Variants in PIGN observed in about 807,000 individuals in gnomAD.
The protein encoded by PIGN is GPI ethanolamine phosphate transferase 1.
PIGN carries 117 observed loss-of-function variants against 125.4 expected under a neutral mutation model. The ratio of observed to expected loss-of-function variants is 0.93; its 90% CI spans 0.80 to 1.09. PIGN has a LOEUF of 1.09. PIGN is among the 50% of genes least tolerant of loss of function. The probability of loss-of-function intolerance (pLI) is 0.00; values close to 1 mark genes in which losing one functional copy is unlikely to be tolerated. For missense variants in PIGN, 1,075 were observed against 1,094.9 expected (o/e 0.98, Z 0.26); for synonymous variants, 392 against 377.8 (o/e 1.04, Z -0.44).
chr18:62,017,824 A>C (rs904330572), intron 23 of PIGN: 1 of 151,516 alleles, frequency 6.6e-6, no homozygotes, highest in Non-Finnish European at 1.5e-5. Context: ...CCCACTCGGC[A>C]ACTTCCTCTT....
intron 14 of PIGN, among the ~76,000 whole-genome samples, chr18:62,121,209 A>T (rs2035291744): frequency 6.6e-6 from 1 of 152,148 alleles, no homozygotes; most frequent in African/African-American, 2.4e-5. Context: ...ATTTCTGAAG[A>T]AGAAAAGGCT....
intron 14 of PIGN, among the ~76,000 whole-genome samples, chr18:62,127,878 C>T (rs1258222141): frequency 6.6e-6 from 1 of 151,902 alleles, no homozygotes; most frequent in East Asian, 1.9e-4. Context: ...CCATAATAAA[C>T]ATACATAATA....
intron 29 of PIGN, among the ~76,000 whole-genome samples, chr18:62,073,737 C>G (rs2033020299): frequency 6.6e-6 from 1 of 152,128 alleles, no homozygotes; most frequent in Non-Finnish European, 1.5e-5. Flanking sequence ...GGAAGCTACC[C>G]TTATTAGTAT....
intron 23 of PIGN, among the ~76,000 whole-genome samples, chr18:62,025,652 T>C (rs752271191): frequency 1.3e-5 from 2 of 152,206 alleles, no homozygotes; most frequent in Non-Finnish European, 1.5e-5. Flanking sequence ...CCAGGTTGCA[T>C]CTGGACACCT....
chr18:62,123,774 G>A (rs1046277781), intron 14 of PIGN, among the ~76,000 whole-genome samples: 2 of 152,112 alleles, frequency 1.3e-5, no homozygotes, highest in African/African-American at 2.4e-5. Flanking sequence ...TGAATGTTTG[G>A]TTCCTATGTT....
At chr18:62,109,270 C>A (rs1036950891) in intron 17 of PIGN, among the ~76,000 whole-genome samples, 20 of 152,288 alleles carry the variant, frequency 1.3e-4, no homozygotes, top group African/African-American at 4.8e-4. Flanking sequence ...ACAATACACT[C>A]TATTTTAAGT....
At chr18:62,165,154 T>C (rs1430037182) in intron 1 of PIGN, among the ~76,000 whole-genome samples, 1 of 152,122 alleles carries the variant, frequency 6.6e-6, no homozygotes, top group East Asian at 1.9e-4. Flanking sequence ...ATGGATTAAC[T>C]CCCCTTCTCA....
chr18:62,162,068 G>C (rs1302628272), intron 3 of PIGN, among the ~76,000 whole-genome samples, 185 bp downstream of exon 3: 1 of 151,964 alleles, frequency 6.6e-6, no homozygotes, highest in South Asian at 2.1e-4. Flanking sequence ...AATCAAAAAG[G>C]TTATGTTTTA....
At chr18:62,088,728 T>G (rs1396695802) in intron 25 of PIGN, 28 bp downstream of exon 25, 3 of 1,363,640 alleles carry the variant, frequency 2.2e-6, no homozygotes, top group Non-Finnish European at 3.1e-6. Flanking sequence ...GTTGCAGCTC[T>G]TTAAACCAAA....
intron 24 of PIGN, among the ~76,000 whole-genome samples, chr18:62,089,948 C>T (rs1172732682): frequency 6.6e-6 from 1 of 152,062 alleles, no homozygotes; most frequent in Non-Finnish European, 1.5e-5. Flanking sequence ...TTTTAGCCAA[C>T]TCAAAGTATT....
chr18:62,113,308 A>T lies in PIGN; in HGVS notation c.1260T>A (p.Leu420=). The T allele has an allele frequency of 6.2e-7, 1 of 1,603,810 alleles. No homozygotes were observed. The part of the protein sequence containing the change: ...KHRKFDEVVS[L]CKELIHLALK... ...ATGCAAGATGAATTAGCTCCTTGCA[A>T]AGGGAGACCTATGGAGAAAAAACAT... The change falls in exon 16 of 31, where the codon CTT becomes CTA. Residue 420 remains leucine (L), a synonymous_variant. Transcript: ENST00000640252.
At chr18:62,099,069 C>G (rs757024106) in intron 22 of PIGN, among the ~76,000 whole-genome samples, 1 of 152,008 alleles carries the variant, frequency 6.6e-6, no homozygotes, top group African/African-American at 2.4e-5. Context: ...GTTTTATATG[C>G]TTCTTGAGAA....
At chr18:62,091,948 T>G (rs1321927088) in intron 23 of PIGN, among the ~76,000 whole-genome samples, 2 of 152,196 alleles carry the variant, frequency 1.3e-5, no homozygotes, top group African/African-American at 4.8e-5. Flanking sequence ...AAGCCTTATT[T>G]CCTTTTTGAG....
chr18:62,109,825 A>G lies in PIGN; in HGVS notation c.1574+9T>C, dbSNP rs555247704. On this transcript the variant is annotated intron_variant, in intron 17 of 30. Transcript: ENST00000640252. ...GTGAAAAAACAAGGCAGCAAGATGC[A>G]TTACTTACTCTCTTAGAACCGCATA... The G allele has an allele frequency of 5.0e-6, 8 of 1,594,940 alleles. No individual in the cohort carries two copies. Among genetic ancestry groups the G allele is most frequent in the Non-Finnish European group, 6.8e-6 (8 of 1,169,406 alleles).
intron 1 of PIGN, among the ~76,000 whole-genome samples, chr18:62,181,941 G>T (rs1044895539): frequency 1.3e-5 from 2 of 152,112 alleles, no homozygotes; most frequent in Non-Finnish European, 2.9e-5. Context: ...GGCCAGGCTG[G>T]TCTCAAACTC....
intron 14 of PIGN, among the ~76,000 whole-genome samples, chr18:62,132,021 T>C (rs1003417481): frequency 9.2e-5 from 14 of 152,056 alleles, no homozygotes; most frequent in African/African-American, 3.1e-4. Flanking sequence ...AAAAAAATGA[T>C]GCTTATACAA....
chr18:62,034,374 C>T (rs2030231188), intron 23 of PIGN, among the ~76,000 whole-genome samples: 1 of 152,186 alleles, frequency 6.6e-6, no homozygotes, highest in Non-Finnish European at 1.5e-5. Flanking sequence ...CACTGGTGTA[C>T]TGCCTAGTGG....
intron 30 of PIGN, among the ~76,000 whole-genome samples, chr18:62,051,433 G>A (rs1018716575): frequency 6.6e-6 from 1 of 151,940 alleles, no homozygotes; most frequent in African/African-American, 2.4e-5. Flanking sequence ...GTCTTGGGAG[G>A]GTGTATGTGT....
intron 14 of PIGN, among the ~76,000 whole-genome samples, chr18:62,119,304 G>C (rs922144707): frequency 6.6e-6 from 1 of 151,744 alleles, no homozygotes. Flanking sequence ...AAAAAGAATC[G>C]AAACAAACTC....
Sources: gnomAD v4.1 joint callset for allele counts (sites outside exome capture counted in the v4.1 genomes callset) on GRCh38, gnomAD v4.1.1 for gene constraint, MANE v1.5 for transcripts, NCBI Gene and HGNC (gene_info 2026-07-23, HGNC 2026-07-21) for gene names.